STK32C: variants seen among roughly 807,000 people sequenced by gnomAD.
STK32C encodes serine/threonine kinase 32C.
STK32C carries 31 observed loss-of-function variants against 56.5 expected under a neutral mutation model. That is an observed-to-expected ratio of 0.55 (90% CI 0.41 to 0.74). The LOEUF is 0.74. STK32C is among the 30% of genes least tolerant of loss of function. The pLI is 0.00. For missense variants in STK32C, 544 were observed against 676.9 expected (o/e 0.80, Z 2.18); for synonymous variants, 309 against 289.4 (o/e 1.07, Z -0.69).
chr10:132,265,322 G>C (rs910937845), intron 1 of STK32C, among the ~76,000 whole-genome samples: 1 of 152,204 alleles, frequency 6.6e-6, no homozygotes, highest in Non-Finnish European at 1.5e-5. Flanking sequence ...CTTCTCCTTC[G>C]ATGACAGCCC....
At position 132,207,703 on chromosome 10, in the gene STK32C, A is replaced by C; in HGVS notation, c.*307T>G. The C allele has an allele frequency of 3.5e-6, 1 of 282,084 alleles. No homozygotes were observed. 17.5% of individuals were successfully genotyped at this position (282,084 alleles called of 1,614,324 possible). A position where few individuals can be genotyped will look rare whatever the true frequency, so the allele number is the denominator to read the frequency against. ...CACAGCCTCCGGGCTGAGCAGGGAC[A>C]AAGACTCCTGTCCCATCCATGGCCC... On this transcript the variant is annotated 3_prime_UTR_variant, in exon 12 of 12. Transcript: ENST00000298630.
intron 1 of STK32C, among the ~76,000 whole-genome samples, chr10:132,280,158 TCACGCCCCTGCACTCCGTGAC>T (rs1357115125): frequency 1.1e-4 from 14 of 130,470 alleles, no homozygotes; most frequent in Non-Finnish European, 2.2e-4. Flanking sequence ...CACTCTGTGA[TCACGCCCCTGCACTCCGTGAC>T]CACGCCACCT....
chr10:132,237,924 G>T (rs144698623), intron 2 of STK32C, among the ~76,000 whole-genome samples: 1 of 152,324 alleles, frequency 6.6e-6, no homozygotes, highest in East Asian at 1.9e-4. Context: ...ACGCTGGCCT[G>T]GTGGGAGGTG....
intron 1 of STK32C, among the ~76,000 whole-genome samples, chr10:132,287,915 T>C (rs2065455807): frequency 6.6e-6 from 1 of 152,096 alleles, no homozygotes; most frequent in Admixed American, 6.6e-5. Flanking sequence ...GCCAAAATAA[T>C]TTTGAGAAAG....
At chr10:132,218,627 G>A (rs1002610983) in intron 10 of STK32C, among the ~76,000 whole-genome samples, 5 of 152,186 alleles carry the variant, frequency 3.3e-5, no homozygotes, top group African/African-American at 1.2e-4. Context: ...ACCTGCTGTA[G>A]AAAAGGGTAG....
chr10:132,264,874 C>A (rs956294031), intron 1 of STK32C, among the ~76,000 whole-genome samples: 2 of 152,238 alleles, frequency 1.3e-5, no homozygotes, highest in Non-Finnish European at 2.9e-5. Flanking sequence ...ATAAATAGGG[C>A]GCTTCATTCT....
chr10:132,305,772 G>A (rs562758602), intron 1 of STK32C, among the ~76,000 whole-genome samples: 40 of 152,338 alleles, frequency 2.6e-4, no homozygotes, highest in African/African-American at 6.3e-4. Context: ...AGGAAGAAGC[G>A]GAGGGAAGCG....
chr10:132,321,988 G>T (rs777215300), downstream of STK32C, among the ~76,000 whole-genome samples: 1 of 152,132 alleles, frequency 6.6e-6, no homozygotes, highest in Non-Finnish European at 1.5e-5. Context: ...CCCTGCACAG[G>T]AGTCCCCAGA....
intron 2 of STK32C, among the ~76,000 whole-genome samples, chr10:132,238,005 C>G (rs2063353901): frequency 6.6e-6 from 1 of 152,208 alleles, no homozygotes; most frequent in African/African-American, 2.4e-5. Flanking sequence ...AGCCTGGAGC[C>G]CCCGAGACTC....
intron 2 of STK32C, among the ~76,000 whole-genome samples, chr10:132,234,850 G>A (rs892313135): frequency 6.6e-6 from 1 of 152,242 alleles, no homozygotes; most frequent in East Asian, 1.9e-4. Context: ...GCAGCCATTG[G>A]ACACTTGTGC....
rs574586225 is a variant in STK32C at position 132,224,412 on chromosome 10, G to A, written c.988C>T (p.Arg330Trp). 4.5e-6 allele frequency: 7 copies of A among 1,550,902 alleles called. No individual in the cohort carries two copies. The highest frequency in any genetic ancestry group is 3.6e-5 in the South Asian group (3 of 84,080). The part of the protein sequence containing the change: ...TWSKEMVALL[R>W]KLLTVNPEHR... ...GCTCAGGGATGGGGGCTCACCTTCC[G>A]CAGCAAGGCCACCATCTCCTTGGAC... The change falls in exon 8 of 12, where the codon CGG (arginine) becomes TGG (tryptophan). Residue 330 changes from arginine (R) to tryptophan (W), a missense_variant. By Grantham distance (101) the Arg-to-Trp change is moderately radical (BLOSUM62 -3). This residue lies in a region of STK32C where 277 missense variants were observed against 309.3 expected (regional missense o/e 0.90). Transcript: ENST00000298630.
In STK32C at chr10:132,255,207, C is replaced by T. The variant is rs927530268; in HGVS notation, c.263-9252G>A. ...TGAGGAAAATCATCCCCCAGGACTCCGAGACGCAGGCCCCGCAGAGCTTGT... is the reference window on the plus strand; with the variant it reads ...TGAGGAAAATCATCCCCCAGGACTCTGAGACGCAGGCCCCGCAGAGCTTGT... On this transcript the variant is annotated intron_variant, in intron 1 of 11. Transcript: ENST00000298630. The surrounding 1 kb of genome is among the most constrained non-coding windows in gnomAD (Gnocchi z 4.6). 6.6e-6 allele frequency among the ~76,000 whole-genome samples: 1 copy of T among 152,182 alleles called. No homozygotes were observed. The highest frequency in any genetic ancestry group is 2.4e-5 in the African/African-American group (1 of 41,436).
rs1349249786 is a variant in STK32C at position 132,226,811 on chromosome 10, G to C, written c.628C>G (p.Gln210Glu). The stretch of plus-strand genomic sequence containing the variant: ...CGCACACACCTGTGGATGATGTGCT[G>C]GCCGCGCAGGTAGTCCAGAGCCAGT... ...MALALDYLRGQHIIHRDVKPD... is the reference protein window; with the variant it reads ...MALALDYLRGEHIIHRDVKPD... Residue 210 changes from glutamine to glutamate, a missense_variant, in exon 4 of 12, where the codon CAG becomes GAG. This residue lies in a region of STK32C where 85 missense variants were observed against 149.9 expected (regional missense o/e 0.57). Transcript: ENST00000298630. The C allele has an allele frequency of 6.2e-7, 1 of 1,612,846 alleles. No individual in the cohort carries two copies. The highest frequency in any genetic ancestry group is 8.5e-7 in the Non-Finnish European group (1 of 1,180,002).
At chr10:132,300,524 G>C (rs2065882435) in intron 1 of STK32C, among the ~76,000 whole-genome samples, 1 of 152,226 alleles carries the variant, frequency 6.6e-6, no homozygotes, top group East Asian at 1.9e-4. Context: ...TAAAACAATA[G>C]ATTTCAAATC....
At chr10:132,252,311 C>A (rs899534938) in intron 1 of STK32C, among the ~76,000 whole-genome samples, 2 of 152,150 alleles carry the variant, frequency 1.3e-5, no homozygotes, top group South Asian at 4.1e-4. Flanking sequence ...GGGGCTAAAG[C>A]AGGAAAGGGG....
chr10:132,213,754 CA>C (rs1323224245), intron 10 of STK32C, among the ~76,000 whole-genome samples: 3 of 152,026 alleles, frequency 2.0e-5, no homozygotes, highest in Non-Finnish European at 4.4e-5. Flanking sequence ...GCAAGGGCTC[CA>C]GGGGAAAAGC....
intron 1 of STK32C, among the ~76,000 whole-genome samples, chr10:132,250,519 T>C (rs1206563621): frequency 4.1e-5 from 3 of 72,662 alleles, no homozygotes; most frequent in Admixed American, 1.4e-4. Flanking sequence ...AGGGCAGGTG[T>C]GTGTGAGGCG....
chr10:132,283,487 C>T (rs1036475933), intron 1 of STK32C, among the ~76,000 whole-genome samples: 3 of 152,202 alleles, frequency 2.0e-5, no homozygotes. Context: ...GGGGACCAGG[C>T]TCCCAGACAG....
intron 1 of STK32C, among the ~76,000 whole-genome samples, chr10:132,260,964 C>T (rs1032912635): frequency 6.6e-6 from 1 of 152,248 alleles, no homozygotes; most frequent in African/African-American, 2.4e-5. Context: ...CCCTAGCCCA[C>T]AGAGCTCTAC....
Sources: allele counts gnomAD v4.1 joint callset (sites outside exome capture counted in the v4.1 genomes callset), GRCh38; gene constraint gnomAD v4.1.1; regional missense constraint gnomAD v4.1.1; non-coding constraint Gnocchi (gnomAD v3.1); transcripts MANE v1.5; gene names NCBI Gene and HGNC (gene_info 2026-07-23, HGNC 2026-07-21).